PPID: variants seen among roughly 807,000 people sequenced by gnomAD.
The protein encoded by PPID is peptidylprolyl isomerase D.
Under a neutral mutation model 48.1 loss-of-function variants are expected in PPID, and 47 were observed. The observed-to-expected ratio is 0.98, with a 90% CI of 0.77 to 1.25. The LOEUF is 1.25. PPID is among the 50% of genes most tolerant of loss of function. The pLI is 0.00. For synonymous variants in PPID, 163 were observed against 148.8 expected (o/e 1.10, Z -0.69); for missense variants, 429 against 443.5 (o/e 0.97, Z 0.29).
At chr4:158,713,293 G>T in intron 6 of PPID, 33 bp from the exon 7 acceptor site, 2 of 1,546,598 alleles carry the variant, frequency 1.3e-6, no homozygotes, top group Non-Finnish European at 1.7e-6. Flanking sequence ...CAGTATGAAA[G>T]ACCACATAAA....
chr4:158,710,119 T>C (rs1178599092), intron 9 of PPID: 3 of 403,466 alleles, frequency 7.4e-6, no homozygotes, highest in South Asian at 6.3e-5. Flanking sequence ...CATTTTGTAA[T>C]ACCCAGATCT....
At position 158,713,154 on chromosome 4, in the gene PPID, A is replaced by G. The variant is rs1451250915; in HGVS notation, c.859T>C (p.Ser287Pro). 2 of 1,613,956 alleles carry G rather than the reference A, an allele frequency of 1.2e-6. No homozygotes were observed. Among genetic ancestry groups the G allele is most frequent in the Non-Finnish European group, 1.7e-6 (2 of 1,179,998 alleles). Reference protein sequence around the residue: ...LNIGACKLKMSNWQGAIDSCL... With the variant: ...LNIGACKLKMPNWQGAIDSCL... ...CTGTCAATTGCTCCCTGCCAATTTG[A>G]CATCTTCAGTTTACAAGCACCAATA... The change falls in exon 7 of 10, where the codon TCA (serine) becomes CCA (proline). Residue 287 changes from serine (S) to proline (P), a missense_variant. Coordinates refer to ENST00000307720, the MANE Select transcript of PPID (RefSeq NM_005038.3).
rs764093550 is a variant in PPID at position 158,713,241 on chromosome 4, C to T, written c.772G>A (p.Ala258Thr). 1.9e-6 allele frequency: 3 copies of T among 1,613,156 alleles called. No individual in the cohort carries two copies. In the African/African-American group the frequency reaches 4.0e-5, roughly 22 times the overall value. Residue 258 changes from alanine (A) to threonine (T), a missense_variant, in exon 7 of 10, where the codon GCT becomes ACT. Coordinates refer to ENST00000307720, the MANE Select transcript of PPID (RefSeq NM_005038.3). ...GCTCTATCTGCTGTCTCAATAACAG[C>T]CTTTGAACTGTCCACGTATCTGCAG... is the stretch of plus-strand genomic sequence containing the variant. The part of the protein sequence containing the change: ...EVLRYVDSSK[A>T]VIETADRAKL...
At chr4:158,711,995 T>A (rs1340706262) in intron 7 of PPID, among the ~76,000 whole-genome samples, 1 of 152,154 alleles carries the variant, frequency 6.6e-6, no homozygotes, top group African/African-American at 2.4e-5. Flanking sequence ...TTTCTTTTGA[T>A]AAGTTTTTTC....
Position 158,709,655 on chromosome 4 carries a change from ATCATAT to A in PPID, c.*75_*80del, listed in dbSNP as rs550960163. On this transcript the variant is annotated 3_prime_UTR_variant, in exon 10 of 10. Transcript: ENST00000307720. ...AGGTGTCAAAAGAAACACATTAGGG[ATCATAT>A]TCATAGACAAAAACCTTTACATTTT... 39 of 1,041,026 alleles carry A rather than the reference ATCATAT, an allele frequency of 3.7e-5. No individual in the cohort carries two copies. Among genetic ancestry groups the A allele is most frequent in the African/African-American group, 3.5e-4 (22 of 63,264 alleles). 64.5% of individuals were successfully genotyped at this position (1,041,026 alleles called of 1,614,324 possible). A position where few individuals can be genotyped will look rare whatever the true frequency, so the allele number is the denominator to read the frequency against.
chr4:158,709,773 T>C lies in PPID; in HGVS notation c.1076A>G (p.Asp359Gly), dbSNP rs758537870. ...TTTTGCATATACTGCCTTCTCTTTA[T>C]CTTTCTGTGCCTTTATCTTTTGTTT... Reference protein sequence around the residue: ...KVKQKIKAQKDKEKAVYAKMF... With the variant: ...KVKQKIKAQKGKEKAVYAKMF... Residue 359 changes from aspartate to glycine, a missense_variant, in exon 10 of 10, where the codon GAT becomes GGT. Transcript: ENST00000307720. The C allele has an allele frequency of 1.9e-6, 3 of 1,611,990 alleles. No individual in the cohort carries two copies. The highest frequency in any genetic ancestry group is 3.3e-5 in the Admixed American group (2 of 59,996).
chr4:158,713,201 A>G lies in PPID; in HGVS notation c.812T>C (p.Ile271Thr), dbSNP rs771456590. 1.8e-5 allele frequency: 29 copies of G among 1,613,924 alleles called. No homozygotes were observed. The South Asian group carries it at 2.6e-4, about 15-fold the overall frequency. ...ETADRAKLQP[I>T]ALSCVLNIGA... ...AATATTCAGTACACAGCTTAAAGCT[A>G]TAGGTTGCAGCTTGGCTCTATCTGC... Residue 271 changes from isoleucine (I) to threonine (T), a missense_variant, in exon 7 of 10, where the codon ATA (isoleucine) becomes ACA (threonine). Physicochemically the swap from Ile to Thr is moderately conservative, Grantham distance 89. Transcript: ENST00000307720.
rs771932750 is a variant in PPID at position 158,723,313 on chromosome 4, C to A, written c.-25G>T. 6.2e-7 allele frequency: 1 copy of A among 1,607,744 alleles called. No homozygotes were observed. Among genetic ancestry groups the A allele is most frequent in the South Asian group, 1.1e-5 (1 of 90,906 alleles). On this transcript the variant is annotated 5_prime_UTR_variant, in exon 1 of 10. Coordinates refer to ENST00000307720, the MANE Select transcript of PPID (RefSeq NM_005038.3). ...TCTTGACTTGCAGACGTGTTTAGTA[C>A]GGAATATCAGAGTACCTAGTGGCCG...
chr4:158,716,726 G>A (rs1235131806), intron 4 of PPID, among the ~76,000 whole-genome samples: 2 of 152,110 alleles, frequency 1.3e-5, no homozygotes, highest in African/African-American at 2.4e-5. Flanking sequence ...TTGGGAGGCC[G>A]AGGTGGGCGG....
rs1406909404 is a variant in PPID at position 158,712,882 on chromosome 4, T to C, written c.894+237A>G. Among the ~76,000 whole-genome samples, 4 of 152,244 alleles carry C rather than the reference T, an allele frequency of 2.6e-5. No homozygotes were observed. The East Asian group carries it at 7.7e-4, about 29-fold the overall frequency. ...GCTCTTAAGTGAATACATGAGCTGA[T>C]ATATGTGCTTTGAGAAAAAAAGGCA... is the stretch of plus-strand genomic sequence containing the variant. On this transcript the variant is annotated intron_variant, in intron 7 of 9. Transcript: ENST00000307720.
chr4:158,721,287 A>C, intron 2 of PPID, 56 bp downstream of exon 2: 1 of 1,571,538 alleles, frequency 6.4e-7, no homozygotes, highest in Admixed American at 1.8e-5. Flanking sequence ...CCCAAATCCT[A>C]AAGAACAGGA....
At chr4:158,714,817 C>T (rs1427615397) in intron 6 of PPID, among the ~76,000 whole-genome samples, 1 of 151,992 alleles carries the variant, frequency 6.6e-6, no homozygotes, top group East Asian at 1.9e-4. Flanking sequence ...CTCGAACTCC[C>T]GACCTCAGGT....
chr4:158,718,627 C>T (rs1321183699), intron 3 of PPID, among the ~76,000 whole-genome samples: 1 of 152,170 alleles, frequency 6.6e-6, no homozygotes, highest in Non-Finnish European at 1.5e-5. Context: ...TACCCTTGCT[C>T]ATATTCCTTA....
At chr4:158,716,834 G>A (rs370774162) in intron 4 of PPID, among the ~76,000 whole-genome samples, 178 bp downstream of exon 4, 5 of 152,164 alleles carry the variant, frequency 3.3e-5, no homozygotes, top group Middle Eastern at 3.4e-3. Context: ...TGTAGCGCGC[G>A]CCTGTAATCC....
chr4:158,722,993 C>T (rs114501848), intron 1 of PPID, among the ~76,000 whole-genome samples: 92 of 152,314 alleles, frequency 6.0e-4, no homozygotes, highest in African/African-American at 2.1e-3. Flanking sequence ...TTTCCAGAAA[C>T]TTCCGCACCA....
At chr4:158,713,568 A>T (rs1262254909) in intron 6 of PPID, among the ~76,000 whole-genome samples, 1 of 152,204 alleles carries the variant, frequency 6.6e-6, no homozygotes, top group Non-Finnish European at 1.5e-5. Context: ...TGGAACCAGG[A>T]TTCTCATAAT....
chr4:158,714,904 T>C (rs904414836), intron 6 of PPID, among the ~76,000 whole-genome samples: 30 of 152,234 alleles, frequency 2.0e-4, no homozygotes, highest in African/African-American at 7.2e-4. Context: ...TATGGATTGA[T>C]ATTATCTATC....
chr4:158,723,335 G>C lies in PPID; in HGVS notation c.-47C>G. On this transcript the variant is annotated 5_prime_UTR_variant, in exon 1 of 10. Coordinates refer to ENST00000307720, the MANE Select transcript of PPID (RefSeq NM_005038.3). ...GTACGGAATATCAGAGTACCTAGTGGCCGCCCGGGCCGCCCAAACTCCAGA... is the reference window on the plus strand; with the variant it reads ...GTACGGAATATCAGAGTACCTAGTGCCCGCCCGGGCCGCCCAAACTCCAGA... 2 of 1,557,610 alleles carry C rather than the reference G, an allele frequency of 1.3e-6. No homozygotes were observed. Among genetic ancestry groups the C allele is most frequent in the Non-Finnish European group, 1.8e-6 (2 of 1,133,718 alleles).
In PPID at chr4:158,713,221, A is replaced by C; in HGVS notation, c.792T>G (p.Asp264Glu). 6.2e-7 allele frequency: 1 copy of C among 1,613,976 alleles called. No homozygotes were observed. The highest frequency in any genetic ancestry group is 8.5e-7 in the Non-Finnish European group (1 of 1,179,948). The change falls in exon 7 of 10, where the codon GAT becomes GAG. Residue 264 changes from aspartate (D) to glutamate (E), a missense_variant. Physicochemically the swap from Asp to Glu is conservative, Grantham distance 45. Transcript: ENST00000307720. ...DSSKAVIETA[D>E]RAKLQPIALS... ...AAGCTATAGGTTGCAGCTTGGCTCT[A>C]TCTGCTGTCTCAATAACAGCCTTTG...
Sources: allele counts gnomAD v4.1 joint callset (sites outside exome capture counted in the v4.1 genomes callset), GRCh38; gene constraint gnomAD v4.1.1; transcripts MANE v1.5; gene names NCBI Gene and HGNC (gene_info 2026-07-23, HGNC 2026-07-21).